Variants in KMT2A observed in about 807,000 individuals in gnomAD.
The protein encoded by KMT2A is lysine methyltransferase 2A.
In KMT2A, 16 loss-of-function variants were observed where a neutral mutation model predicts 345.3. That is an observed-to-expected ratio of 0.05 (90% CI 0.03 to 0.07). KMT2A has a LOEUF of 0.07. KMT2A is among the 10% of genes least tolerant of loss of function. The pLI is 1.00. For missense variants in KMT2A, 3,272 were observed against 4,841.6 expected, an observed-to-expected ratio of 0.68 and a Z score of 9.62; for synonymous variants, 1,599 against 1,778.6, an observed-to-expected ratio of 0.90 and a Z score of 2.54.
Position 118,498,151 on chromosome 11 carries a change from CT to C in KMT2A, c.5802+79del. 1 of 1,488,804 alleles carries C rather than the reference CT, an allele frequency of 6.7e-7. No homozygotes were observed. Among genetic ancestry groups the C allele is most frequent in the Non-Finnish European group, 9.3e-7 (1 of 1,077,704 alleles). 92.2% of individuals were successfully genotyped at this position (1,488,804 alleles called of 1,614,324 possible). ...TATTCTTCCTGTGGGTGAATATGGC[CT>C]CCCTGATATTTTTCACAGTGCCATC... On this transcript the variant is annotated intron_variant, in intron 21 of 35. Transcript: ENST00000534358. This position sits in a 1 kb window ranked among gnomAD's most constrained non-coding sequence, Gnocchi z 4.4.
intron 1 of KMT2A, among the ~76,000 whole-genome samples, chr11:118,462,532 A>AT (rs1949764523): frequency 6.6e-6 from 1 of 152,110 alleles, no homozygotes; most frequent in Non-Finnish European, 1.5e-5. Context: ...GGGTAAAAGT[A>AT]TAGTTCATTT....
intron 31 of KMT2A, among the ~76,000 whole-genome samples, chr11:118,517,497 C>T (rs1555051929): frequency 1.3e-5 from 2 of 151,794 alleles, no homozygotes. Flanking sequence ...GTGTTACATA[C>T]CTAAGCCAAA....
chr11:118,488,826 C>T (rs1950276441), intron 11 of KMT2A, 66 bp downstream of exon 11: 2 of 1,477,382 alleles, frequency 1.4e-6, no homozygotes, highest in Non-Finnish European at 1.9e-6. Context: ...TCCCTGGACT[C>T]AACCAACCTT....
chr11:118,481,675 C>A (rs144067538), intron 6 of KMT2A, 40 bp from the exon 7 acceptor site: 8 of 1,545,468 alleles, frequency 5.2e-6, no homozygotes, highest in Middle Eastern at 1.7e-4. Context: ...TAAAATTATT[C>A]TCACTATAGA....
In KMT2A at chr11:118,452,105, A is replaced by G. The variant is rs551050942; in HGVS notation, c.432+15161A>G. ...GAGGGCAGTGGCTGTTCACAGGCAT[A>G]ATCATCATGTATTACAGACTTGAAA... is the stretch of plus-strand genomic sequence containing the variant. On this transcript the variant is annotated intron_variant, in intron 1 of 35. Coordinates refer to ENST00000534358, the MANE Select transcript of KMT2A (RefSeq NM_001197104.2). 9.9e-5 allele frequency among the ~76,000 whole-genome samples: 15 copies of G among 152,236 alleles called. No individual in the cohort carries two copies. In the South Asian group the frequency reaches 3.1e-3, roughly 32 times the overall value.
intron 1 of KMT2A, among the ~76,000 whole-genome samples, chr11:118,456,040 C>A (rs1007923465): frequency 9.2e-5 from 14 of 151,960 alleles, no homozygotes; most frequent in African/African-American, 3.4e-4. Flanking sequence ...AGTCATCTCC[C>A]TTTGTTGCCC....
At position 118,492,977 on chromosome 11, in the gene KMT2A, C is replaced by A. The variant is rs976054878; in HGVS notation, c.5005-80C>A. ...TACAATATTAATCATTCAGTACCAT[C>A]TTTATTAATTTTAATAGAATTTACA... is the stretch of plus-strand genomic sequence containing the variant. On this transcript the variant is annotated intron_variant, in intron 15 of 35. Transcript: ENST00000534358. 2.8e-6 allele frequency: 3 copies of A among 1,085,934 alleles called. No individual in the cohort carries two copies. In the African/African-American group the frequency reaches 4.7e-5, roughly 17 times the overall value. 67.3% of individuals were successfully genotyped at this position (1,085,934 alleles called of 1,614,324 possible). A position where few individuals can be genotyped will look rare whatever the true frequency, so the allele number is the denominator to read the frequency against.
intron 1 of KMT2A, among the ~76,000 whole-genome samples, chr11:118,444,294 T>C (rs1388175566): frequency 4.6e-5 from 7 of 152,226 alleles, no homozygotes; most frequent in Non-Finnish European, 1.0e-4. Context: ...ACAAACATTG[T>C]CCCTAGATTA....
intron 5 of KMT2A, among the ~76,000 whole-genome samples, chr11:118,478,527 C>T (rs1555038248): frequency 6.6e-6 from 1 of 152,168 alleles, no homozygotes; most frequent in African/African-American, 2.4e-5. Context: ...GACTGAGGAA[C>T]CACACTGTTT....
In KMT2A at chr11:118,524,913, G is replaced by C. The variant is rs1477019736; in HGVS notation, c.*2741G>C. ...CCAACCCTAAACCCTGAGGACAGGG[G>C]AGGAACCCACAGCTTCCTTCTCCTG... On this transcript the variant is annotated 3_prime_UTR_variant, in exon 36 of 36. Coordinates refer to ENST00000534358, the MANE Select transcript of KMT2A (RefSeq NM_001197104.2). 5.1e-6 allele frequency: 1 copy of C among 198,008 alleles called. No homozygotes were observed. The highest frequency in any genetic ancestry group is 1.0e-5 in the Non-Finnish European group (1 of 95,512). 12.3% of individuals were successfully genotyped at this position (198,008 alleles called of 1,614,324 possible).
rs1950663979 is a variant in KMT2A, at chr11:118,510,448, C to A, written c.11071+330C>A. On this transcript the variant is annotated intron_variant, in intron 30 of 35. Transcript: ENST00000534358. The surrounding 1 kb of genome is among the most constrained non-coding windows in gnomAD (Gnocchi z 4.1). ...CCCTTCTCTCTCCCTTGTGTGCCTT[C>A]ACACGTGCTTTCTCCTCTGCCTGGA... Among the ~76,000 whole-genome samples the A allele has an allele frequency of 6.6e-6, 1 of 152,138 alleles. No homozygotes were observed. Among genetic ancestry groups the A allele is most frequent in the African/African-American group, 2.4e-5 (1 of 41,420 alleles).
chr11:118,502,385 C>G lies in KMT2A; in HGVS notation c.6506-13C>G. On this transcript the variant is annotated splice_polypyrimidine_tract_variant and intron_variant, in intron 26 of 35. Coordinates refer to ENST00000534358, the MANE Select transcript of KMT2A (RefSeq NM_001197104.2). This position sits in a 1 kb window ranked among gnomAD's most constrained non-coding sequence, Gnocchi z 4.9. ...TCTACAATAGCATTTATTACTTTTT[C>G]TCTCTTGTTTAGGAAGTCCTACCCC... is the stretch of plus-strand genomic sequence containing the variant. 1 of 1,548,796 alleles carries G rather than the reference C, an allele frequency of 6.5e-7. No individual in the cohort carries two copies.
Position 118,472,237 on chromosome 11 carries a change from A to T in KMT2A, c.1078A>T (p.Ile360Phe). The T allele has an allele frequency of 6.2e-7, 1 of 1,614,050 alleles. No homozygotes were observed. Among genetic ancestry groups the T allele is most frequent in the Non-Finnish European group, 8.5e-7 (1 of 1,179,996 alleles). Reference sequence around the variant, plus strand: ...CCCTCGAAGGATTAAGCCAGTTAGGATTATTCCTTCTTCAAAAAGGACAGA... The same window carrying T: ...CCCTCGAAGGATTAAGCCAGTTAGGTTTATTCCTTCTTCAAAAAGGACAGA... ...QSPRRIKPVR[I>F]IPSSKRTDAT... The change falls in exon 3 of 36, where the codon ATT (isoleucine) becomes TTT (phenylalanine). Residue 360 changes from isoleucine to phenylalanine, a missense_variant. Coordinates refer to ENST00000534358, the MANE Select transcript of KMT2A (RefSeq NM_001197104.2).
rs782251367 is a variant in KMT2A at position 118,505,001 on chromosome 11, CCTGTTTCCCCAA to C, written c.9115_9126del (p.Ser3039_Val3042del). On this transcript the variant is annotated inframe_deletion, in exon 27 of 36. Coordinates refer to ENST00000534358, the MANE Select transcript of KMT2A (RefSeq NM_001197104.2). This position sits in a 1 kb window ranked among gnomAD's most constrained non-coding sequence, Gnocchi z 4.6. ...CAGTAGCACCCCTGGCCTTCAGGTACCTGTTTCCCCAACTGTTCCCATCCAGAACCAGAAGTA... is the reference window on the plus strand; with the variant it reads ...CAGTAGCACCCCTGGCCTTCAGGTACCTGTTCCCATCCAGAACCAGAAGTA... The C allele has an allele frequency of 6.2e-7, 1 of 1,614,102 alleles. No individual in the cohort carries two copies. Among genetic ancestry groups the C allele is most frequent in the Admixed American group, 1.7e-5 (1 of 60,020 alleles).
chr11:118,509,267 A>C (rs2134428220), intron 29 of KMT2A, 67 bp downstream of exon 29: 1 of 1,212,646 alleles, frequency 8.2e-7, no homozygotes, highest in Non-Finnish European at 1.2e-6. Context: ...AGAATCACCC[A>C]CTTTACCTAC....
At chr11:118,439,182 AG>A (rs1949265221) in intron 1 of KMT2A, 5 of 405,304 alleles carry the variant, frequency 1.2e-5, no homozygotes, top group Admixed American at 3.5e-5. Context: ...AAGAAAAAAA[AG>A]AAAAAACTGA....
At position 118,436,908 on chromosome 11, in the gene KMT2A, G is replaced by A; in HGVS notation, c.396G>A (p.Val132=). The change falls in exon 1 of 36, where the codon GTG becomes GTA. Residue 132 remains valine (V), a synonymous_variant. Coordinates refer to ENST00000534358, the MANE Select transcript of KMT2A (RefSeq NM_001197104.2). The surrounding 1 kb of genome is among the most constrained non-coding windows in gnomAD (Gnocchi z 6.9). ...CCAACCTGCGCCGGTTCCGGGCCGT[G>A]TTTGGGGAGAGCGGCGGGGGAGGCG... ...IGTNLRRFRA[V]FGESGGGGGS... 1.9e-6 allele frequency: 3 copies of A among 1,572,894 alleles called. No homozygotes were observed. Among genetic ancestry groups the A allele is most frequent in the Non-Finnish European group, 1.7e-6 (2 of 1,157,674 alleles).
rs1475731353 is a variant in KMT2A at position 118,522,405 on chromosome 11, C to T, written c.*233C>T. On this transcript the variant is annotated 3_prime_UTR_variant, in exon 36 of 36. Coordinates refer to ENST00000534358, the MANE Select transcript of KMT2A (RefSeq NM_001197104.2). This position sits in a 1 kb window ranked among gnomAD's most constrained non-coding sequence, Gnocchi z 5.4. ...CATGATCGGCTTTCTCCTGGGGCCCCTCCAATTGTTTACTGTTAGAAAGTG... is the reference window on the plus strand; with the variant it reads ...CATGATCGGCTTTCTCCTGGGGCCCTTCCAATTGTTTACTGTTAGAAAGTG... The T allele has an allele frequency of 4.0e-6, 2 of 505,496 alleles. No individual in the cohort carries two copies. The highest frequency in any genetic ancestry group is 3.2e-5 in the Admixed American group (1 of 30,848). The allele number at this position is 505,496 out of a possible 1,614,324, so 31.3% of individuals were successfully genotyped here.
chr11:118,508,804 CTTAT>C (rs1390841222), intron 28 of KMT2A, among the ~76,000 whole-genome samples: 8 of 151,086 alleles, frequency 5.3e-5, no homozygotes, highest in Non-Finnish European at 7.4e-5. Context: ...AGCCAGCTTA[CTTAT>C]TTAAGTAACT....
Sources: gnomAD v4.1 joint callset for allele counts (sites outside exome capture counted in the v4.1 genomes callset) on GRCh38, gnomAD v4.1.1 for gene constraint, Gnocchi (gnomAD v3.1) non-coding constraint, MANE v1.5 for transcripts, NCBI Gene and HGNC (gene_info 2026-07-23, HGNC 2026-07-21) for gene names.